Variants in SPEF2 observed in about 807,000 individuals in gnomAD.
SPEF2 encodes sperm flagellar and cilia associated 2, also known as sperm flagella and cilia-associated protein 2.
In SPEF2, 187 loss-of-function variants were observed where a neutral mutation model predicts 224.6. The observed-to-expected ratio is 0.83, with a 90% confidence interval of 0.74 to 0.94. The LOEUF (loss-of-function observed/expected upper bound fraction) is 0.94. SPEF2 is among the 40% of genes least tolerant of loss of function. The pLI, the probability that SPEF2 is intolerant of heterozygous loss-of-function variation, is 0.00. For missense variants in SPEF2, 2,170 were observed against 2,135.6 expected (o/e 1.02, Z -0.32); for synonymous variants, 715 against 707.3 (o/e 1.01, Z -0.17).
intron 36 of SPEF2, among the ~76,000 whole-genome samples, chr5:35,808,556 A>G (rs961710172): frequency 6.6e-6 from 1 of 152,138 alleles, no homozygotes; most frequent in South Asian, 2.1e-4. Context: ...AGCTTCATCC[A>G]TGTCCCTATG....
intron 2 of SPEF2, among the ~76,000 whole-genome samples, chr5:35,631,530 T>A (rs1443108766): frequency 6.6e-6 from 1 of 152,212 alleles, no homozygotes; most frequent in Non-Finnish European, 1.5e-5. Flanking sequence ...TTTAACTAAT[T>A]CAGGCACTTA....
At chr5:35,680,654 G>T (rs1434578533) in intron 10 of SPEF2, among the ~76,000 whole-genome samples, 1 of 152,180 alleles carries the variant, frequency 6.6e-6, no homozygotes, top group Non-Finnish European at 1.5e-5. Flanking sequence ...ATGATGCTGT[G>T]TGGATACGAA....
chr5:35,706,073 C>T (rs1451644023), intron 18 of SPEF2, among the ~76,000 whole-genome samples: 1 of 151,210 alleles, frequency 6.6e-6, no homozygotes, highest in Non-Finnish European at 1.5e-5. Context: ...GAAAAAAACC[C>T]AGCAGAGTTA....
chr5:35,689,502 C>A (rs1003557191), intron 10 of SPEF2, among the ~76,000 whole-genome samples: 4 of 152,160 alleles, frequency 2.6e-5, no homozygotes, highest in Non-Finnish European at 5.9e-5. Context: ...CCCTTGCACT[C>A]TCCCCATCTC....
chr5:35,700,449 T>C (rs1266237441), intron 15 of SPEF2, 47 bp from the exon 16 acceptor site: 1 of 1,540,216 alleles, frequency 6.5e-7, no homozygotes, highest in East Asian at 2.3e-5. Flanking sequence ...ATTTCCAAAG[T>C]ACTTGTGTCT....
At chr5:35,813,123 C>T (rs1258452361) in intron 36 of SPEF2, among the ~76,000 whole-genome samples, 2 of 152,158 alleles carry the variant, frequency 1.3e-5, no homozygotes, top group African/African-American at 4.8e-5. Flanking sequence ...ATTCCTTAAT[C>T]CTCAAATTAA....
chr5:35,751,005 ATATATACG>A (rs1304585217), intron 23 of SPEF2, among the ~76,000 whole-genome samples: 9 of 122,724 alleles, frequency 7.3e-5, no homozygotes, highest in South Asian at 2.6e-4. Context: ...ATGTATATAT[ATATATACG>A]TATATATATA....
intron 19 of SPEF2, chr5:35,710,626 C>T (rs7729774): frequency 0.78 from 767,334 of 984,388 alleles, 299,884 homozygotes; most frequent in Middle Eastern, 0.82. Flanking sequence ...CTAGAATTAT[C>T]GAATATCGTC....
intron 36 of SPEF2, chr5:35,807,524 C>G: frequency 9.6e-7 from 1 of 1,044,964 alleles, no homozygotes; most frequent in East Asian, 2.6e-5. Flanking sequence ...ATGTAATGAC[C>G]CTAGCCTGTG....
intron 34 of SPEF2, among the ~76,000 whole-genome samples, chr5:35,804,874 A>C (rs1757871197): frequency 6.6e-6 from 1 of 152,198 alleles, no homozygotes; most frequent in Non-Finnish European, 1.5e-5. Context: ...GCTTGCCTAC[A>C]GGTTCTATGT....
chr5:35,700,340 G>A (rs1738358323), intron 15 of SPEF2, 156 bp from the exon 16 acceptor site: 3 of 677,010 alleles, frequency 4.4e-6, no homozygotes, highest in South Asian at 3.9e-5. Flanking sequence ...AGTGATTGTG[G>A]CACATCAGTA....
chr5:35,659,246 T>C, intron 8 of SPEF2, 39 bp downstream of exon 8: 1 of 1,511,554 alleles, frequency 6.6e-7, no homozygotes, highest in Non-Finnish European at 8.9e-7. Context: ...CTAAGGTTAC[T>C]TTTGTTTCTT....
intron 24 of SPEF2, among the ~76,000 whole-genome samples, chr5:35,758,878 G>A (rs1299901518): frequency 3.3e-5 from 5 of 151,414 alleles, no homozygotes; most frequent in Non-Finnish European, 4.4e-5. Context: ...TGGGGTCAGG[G>A]CCCTGTAAAC....
chr5:35,639,002 G>A (rs1746225123), intron 2 of SPEF2, among the ~76,000 whole-genome samples: 1 of 152,098 alleles, frequency 6.6e-6, no homozygotes, highest in African/African-American at 2.4e-5. Context: ...ATGGAAAAAG[G>A]GTCCCCATCT....
chr5:35,753,347 C>A (rs1027638127), intron 23 of SPEF2, among the ~76,000 whole-genome samples: 2 of 151,998 alleles, frequency 1.3e-5, no homozygotes, highest in African/African-American at 4.8e-5. Context: ...GATTAAAGCA[C>A]ATAAAACATA....
intron 2 of SPEF2, among the ~76,000 whole-genome samples, chr5:35,641,110 A>C (rs886198100): frequency 2.0e-5 from 3 of 152,218 alleles, no homozygotes; most frequent in Non-Finnish European, 4.4e-5. Flanking sequence ...CAATCTCTTG[A>C]GAAATAGTAT....
chr5:35,774,777 C>T (rs1257258422), intron 28 of SPEF2, among the ~76,000 whole-genome samples: 1 of 152,136 alleles, frequency 6.6e-6, no homozygotes, highest in African/African-American at 2.4e-5. Flanking sequence ...TGATTTCCAT[C>T]CCTTGTTTCT....
chr5:35,635,568 A>T (rs1745719215), intron 2 of SPEF2, among the ~76,000 whole-genome samples: 1 of 152,218 alleles, frequency 6.6e-6, no homozygotes, highest in Non-Finnish European at 1.5e-5. Flanking sequence ...GTAATTCTCA[A>T]TCACCAAAAA....
intron 24 of SPEF2, among the ~76,000 whole-genome samples, chr5:35,755,873 G>C (rs879809833): frequency 6.6e-6 from 1 of 152,134 alleles, no homozygotes; most frequent in Admixed American, 6.5e-5. Context: ...GCCTCCCAAA[G>C]TGCTGGGATT....
Sources: gnomAD v4.1 joint callset for allele counts (sites outside exome capture counted in the v4.1 genomes callset) on GRCh38, gnomAD v4.1.1 for gene constraint, MANE v1.5 for transcripts, NCBI Gene and HGNC (gene_info 2026-07-23, HGNC 2026-07-21) for gene names.